EXOC6B: variants seen among roughly 807,000 people sequenced by gnomAD.
EXOC6B encodes the protein exocyst complex component 6B.
EXOC6B carries 54 observed loss-of-function variants against 113.5 expected under a neutral mutation model. The ratio of observed to expected loss-of-function variants is 0.48; its 90% CI spans 0.38 to 0.60. The LOEUF (loss-of-function observed/expected upper bound fraction) is 0.60. EXOC6B is among the 20% of genes least tolerant of loss of function. EXOC6B has a pLI of 0.00. For synonymous variants in EXOC6B, 357 were observed against 339.0 expected (o/e 1.05, Z -0.58); for missense variants, 797 against 977.5 (o/e 0.82, Z 2.46).
rs560963397 is a variant in EXOC6B at position 72,671,591 on chromosome 2, G to A, written c.669+46512C>T. ...TGGGTGCCTGTAATCCCAGCTACTC[G>A]GGAGCCTGAGGCAGAAGAATCGCTT... is the stretch of plus-strand genomic sequence containing the variant. On this transcript the variant is annotated intron_variant, in intron 6 of 21. Coordinates refer to ENST00000272427, the MANE Select transcript of EXOC6B (RefSeq NM_015189.3). Among the ~76,000 whole-genome samples the A allele has an allele frequency of 7.2e-5, 11 of 151,952 alleles. No individual in the cohort carries two copies. The East Asian group carries it at 1.2e-3, about 16-fold the overall frequency.
chr2:72,214,003 G>A (rs1323724059), intron 20 of EXOC6B, among the ~76,000 whole-genome samples: 1 of 152,102 alleles, frequency 6.6e-6, no homozygotes, highest in African/African-American at 2.4e-5. Flanking sequence ...GTAGCTCTTG[G>A]AACAGAAACT....
intron 6 of EXOC6B, among the ~76,000 whole-genome samples, chr2:72,598,224 G>C (rs1026699555): frequency 2.6e-5 from 4 of 151,504 alleles, no homozygotes; most frequent in Admixed American, 1.3e-4. Context: ...ATCAAAAGAA[G>C]TACCCACTCA....
At chr2:72,257,595 C>T (rs974306553) in intron 20 of EXOC6B, among the ~76,000 whole-genome samples, 1 of 152,154 alleles carries the variant, frequency 6.6e-6, no homozygotes, top group African/African-American at 2.4e-5. Context: ...CCTGTTAACA[C>T]ATAAAGCTTG....
At chr2:72,718,332 A>G in intron 5 of EXOC6B, 25 bp from the exon 6 acceptor site, 1 of 1,599,376 alleles carries the variant, frequency 6.3e-7, no homozygotes, top group Non-Finnish European at 8.5e-7. Context: ...GATCACCTTT[A>G]GCTCACTCAG....
At chr2:72,183,746 A>G (rs1318974816) in intron 21 of EXOC6B, among the ~76,000 whole-genome samples, 1 of 151,518 alleles carries the variant, frequency 6.6e-6, no homozygotes, top group African/African-American at 2.4e-5. Context: ...GGCTGGCCTG[A>G]GCCCCAAACC....
intron 17 of EXOC6B, among the ~76,000 whole-genome samples, chr2:72,479,623 GA>G (rs1359875989): frequency 6.6e-6 from 1 of 152,120 alleles, no homozygotes; most frequent in Non-Finnish European, 1.5e-5. Flanking sequence ...CTATATGTTA[GA>G]TCCATATTTT....
chr2:72,240,440 A>T (rs1682241292), intron 20 of EXOC6B, among the ~76,000 whole-genome samples: 1 of 152,258 alleles, frequency 6.6e-6, no homozygotes, highest in African/African-American at 2.4e-5. Flanking sequence ...AAAAAAAATA[A>T]TAAAGCAACA....
At chr2:72,324,911 G>C (rs932757327) in intron 20 of EXOC6B, among the ~76,000 whole-genome samples, 1 of 152,088 alleles carries the variant, frequency 6.6e-6, no homozygotes, top group Non-Finnish European at 1.5e-5. Flanking sequence ...TCAGCATAAA[G>C]AGACTCCAAA....
intron 7 of EXOC6B, among the ~76,000 whole-genome samples, chr2:72,570,053 G>A (rs561081739): frequency 6.6e-6 from 1 of 152,230 alleles, no homozygotes; most frequent in South Asian, 2.1e-4. Context: ...TAGTCCCAAT[G>A]TGACTGTATT....
chr2:72,306,242 A>G (rs1443679583), intron 20 of EXOC6B, among the ~76,000 whole-genome samples: 1 of 152,238 alleles, frequency 6.6e-6, no homozygotes, highest in East Asian at 1.9e-4. Flanking sequence ...TTATAATAAA[A>G]TATTCTCATT....
intron 18 of EXOC6B, among the ~76,000 whole-genome samples, chr2:72,448,766 T>C (rs1294800059): frequency 6.6e-6 from 1 of 152,192 alleles, no homozygotes; most frequent in Non-Finnish European, 1.5e-5. Context: ...AAGTTCTCTA[T>C]AAATACTGAG....
At chr2:72,268,475 G>GA (rs898272054) in intron 20 of EXOC6B, among the ~76,000 whole-genome samples, 1 of 152,042 alleles carries the variant, frequency 6.6e-6, no homozygotes, top group Non-Finnish European at 1.5e-5. Context: ...AAATAATAAT[G>GA]AAAAAAATGT....
intron 1 of EXOC6B, among the ~76,000 whole-genome samples, chr2:72,810,331 T>C (rs967466718): frequency 7.2e-6 from 1 of 138,916 alleles, no homozygotes; most frequent in Non-Finnish European, 1.5e-5. Context: ...CGAGACCTTG[T>C]CTCTAAAATA....
At chr2:72,630,822 T>A (rs879485948) in intron 6 of EXOC6B, among the ~76,000 whole-genome samples, 7 of 152,154 alleles carry the variant, frequency 4.6e-5, no homozygotes, top group Non-Finnish European at 1.0e-4. Context: ...TCCTAAATCA[T>A]ACTAACTGTA....
At chr2:72,537,329 C>T (rs904444293) in intron 8 of EXOC6B, among the ~76,000 whole-genome samples, 4 of 151,860 alleles carry the variant, frequency 2.6e-5, no homozygotes, top group African/African-American at 7.3e-5. Context: ...ACAGGCCAGG[C>T]GGGCTGGCTC....
intron 20 of EXOC6B, among the ~76,000 whole-genome samples, chr2:72,266,189 T>C (rs1216756011): frequency 1.3e-5 from 2 of 151,730 alleles, no homozygotes; most frequent in African/African-American, 4.8e-5. Context: ...GAAAATTTTC[T>C]CCCATTTTGT....
chr2:72,222,606 A>G (rs1215558783), intron 20 of EXOC6B, among the ~76,000 whole-genome samples: 2 of 152,184 alleles, frequency 1.3e-5, no homozygotes, highest in Non-Finnish European at 2.9e-5. Context: ...TGATACATAC[A>G]GTGTCTCATA....
At chr2:72,428,223 C>T (rs1007652369) in intron 18 of EXOC6B, among the ~76,000 whole-genome samples, 1 of 152,220 alleles carries the variant, frequency 6.6e-6, no homozygotes, top group African/African-American at 2.4e-5. Context: ...GTAACACAAA[C>T]AGGGCTGAAA....
At chr2:72,509,767 T>C (rs1163055738) in intron 11 of EXOC6B, among the ~76,000 whole-genome samples, 4 of 152,102 alleles carry the variant, frequency 2.6e-5, no homozygotes, top group Admixed American at 6.6e-5. Flanking sequence ...TCTATGAAGA[T>C]ATACAAATGA....
Sources: allele counts gnomAD v4.1 joint callset (sites outside exome capture counted in the v4.1 genomes callset), GRCh38; gene constraint gnomAD v4.1.1; transcripts MANE v1.5; gene names NCBI Gene and HGNC (gene_info 2026-07-23, HGNC 2026-07-21).